FMNL2: variants seen among roughly 807,000 people sequenced by gnomAD.
The protein encoded by FMNL2 is formin like 2, also known as formin-like protein 2.
A neutral mutation model predicts 130.2 loss-of-function variants in FMNL2; 51 were observed. That is an observed-to-expected ratio of 0.39 (90% CI 0.31 to 0.49). FMNL2 has a LOEUF of 0.49. Ranked by LOEUF, FMNL2 falls within the 20% of genes least tolerant of loss-of-function variation. The pLI is 0.85. For synonymous variants in FMNL2, 465 were observed against 467.1 expected (o/e 1.00, Z 0.06); for missense variants, 977 against 1,316.2 (o/e 0.74, Z 3.99).
chr2:152,492,663 CA>C (rs931352530), intron 1 of FMNL2, among the ~76,000 whole-genome samples: 28 of 152,026 alleles, frequency 1.8e-4, no homozygotes, highest in Non-Finnish European at 3.5e-4. Flanking sequence ...TTGATTCAAA[CA>C]AAAAAACTAG....
At chr2:152,594,687 G>A (rs1182743237) in intron 9 of FMNL2, among the ~76,000 whole-genome samples, 1 of 152,174 alleles carries the variant, frequency 6.6e-6, no homozygotes, top group Non-Finnish European at 1.5e-5. Context: ...TTTGAGTCTT[G>A]ATTTAAGCTT....
At chr2:152,607,001 T>TTTTTG (rs1461921577) in intron 9 of FMNL2, among the ~76,000 whole-genome samples, 1 of 131,334 alleles carries the variant, frequency 7.6e-6, no homozygotes, top group Non-Finnish European at 1.6e-5. Flanking sequence ...TCGTTTTTTT[T>TTTTTG]TTTTGTTTTT....
intron 9 of FMNL2, among the ~76,000 whole-genome samples, chr2:152,602,133 C>T (rs1420631058): frequency 6.6e-6 from 1 of 152,112 alleles, no homozygotes; most frequent in Non-Finnish European, 1.5e-5. Flanking sequence ...AGCCCTTTAC[C>T]CCCATCAGTC....
At chr2:152,564,778 T>TTTTTTTTG (rs1553477797) in intron 6 of FMNL2, among the ~76,000 whole-genome samples, 7 of 129,668 alleles carry the variant, frequency 5.4e-5, no homozygotes, top group African/African-American at 8.8e-5. Flanking sequence ...CAAGGTTGGT[T>TTTTTTTTG]TTTTTTTTTT....
intron 21 of FMNL2, among the ~76,000 whole-genome samples, chr2:152,634,565 T>C (rs780928883): frequency 6.6e-6 from 1 of 152,246 alleles, no homozygotes; most frequent in Non-Finnish European, 1.5e-5. Flanking sequence ...ATTCAACAAC[T>C]CTTGGAAAGC....
chr2:152,484,951 C>A (rs1173240220), intron 1 of FMNL2, among the ~76,000 whole-genome samples: 1 of 152,140 alleles, frequency 6.6e-6, no homozygotes, highest in African/African-American at 2.4e-5. Flanking sequence ...CACAGTAGCT[C>A]TTGTATATGA....
intron 2 of FMNL2, among the ~76,000 whole-genome samples, chr2:152,532,850 C>T (rs898998594): frequency 2.0e-5 from 3 of 152,106 alleles, no homozygotes; most frequent in Admixed American, 2.0e-4. Context: ...TCAAGTGATC[C>T]ACCCGCCTTG....
At chr2:152,399,225 T>C (rs1685554291) in intron 1 of FMNL2, among the ~76,000 whole-genome samples, 1 of 152,084 alleles carries the variant, frequency 6.6e-6, no homozygotes, top group Non-Finnish European at 1.5e-5. Flanking sequence ...TGAACATTGA[T>C]AGAGAAGTGA....
chr2:152,614,436 A>G (rs1366585732), intron 11 of FMNL2, among the ~76,000 whole-genome samples: 1 of 152,184 alleles, frequency 6.6e-6, no homozygotes, highest in Non-Finnish European at 1.5e-5. Flanking sequence ...GGGCTGGACT[A>G]TTTGTCGAAA....
chr2:152,591,768 T>G (rs1463008084), intron 9 of FMNL2, among the ~76,000 whole-genome samples: 1 of 152,148 alleles, frequency 6.6e-6, no homozygotes, highest in Non-Finnish European at 1.5e-5. Flanking sequence ...ATCACACCGC[T>G]GCACTCCAGC....
At chr2:152,579,704 TAAAG>T (rs1301630378) in intron 8 of FMNL2, among the ~76,000 whole-genome samples, 2 of 151,984 alleles carry the variant, frequency 1.3e-5, no homozygotes, top group Non-Finnish European at 2.9e-5. Context: ...TCTCAAAAAA[TAAAG>T]AAAGAAAGAA....
intron 2 of FMNL2, among the ~76,000 whole-genome samples, chr2:152,523,767 G>A (rs1476153021): frequency 1.3e-5 from 2 of 152,130 alleles, no homozygotes; most frequent in Non-Finnish European, 2.9e-5. Context: ...CTGTATGATT[G>A]CATTAGTCTA....
At chr2:152,471,347 G>C (rs1689849417) in intron 1 of FMNL2, among the ~76,000 whole-genome samples, 1 of 152,156 alleles carries the variant, frequency 6.6e-6, no homozygotes, top group South Asian at 2.1e-4. Flanking sequence ...AAGTGAGGCT[G>C]TTCAGCCCTT....
At chr2:152,392,930 C>G (rs1685198287) in intron 1 of FMNL2, among the ~76,000 whole-genome samples, 1 of 152,150 alleles carries the variant, frequency 6.6e-6, no homozygotes, top group Non-Finnish European at 1.5e-5. Flanking sequence ...CTTCTCTCTG[C>G]CTGCTTCTCT....
chr2:152,436,211 G>A (rs897403326), intron 1 of FMNL2, among the ~76,000 whole-genome samples: 1 of 151,650 alleles, frequency 6.6e-6, no homozygotes, highest in Admixed American at 6.6e-5. Flanking sequence ...TATCACCCAG[G>A]CTGGAGTGCA....
At chr2:152,546,375 G>A (rs992438684) in intron 3 of FMNL2, among the ~76,000 whole-genome samples, 4 of 152,054 alleles carry the variant, frequency 2.6e-5, no homozygotes, top group East Asian at 1.9e-4. Context: ...GTCACATGGT[G>A]AGCAAGAGGG....
In FMNL2 at chr2:152,355,996, A is replaced by G. The variant is rs543756235; in HGVS notation, c.117+20276A>G. The stretch of plus-strand genomic sequence containing the variant: ...CCCCGAATTGGCACATCTCATTCCT[A>G]TGCACTCTTGTTAAAAATAACTTAT... On this transcript the variant is annotated intron_variant, in intron 1 of 25. Coordinates refer to ENST00000288670, the MANE Select transcript of FMNL2 (RefSeq NM_052905.4). Among the ~76,000 whole-genome samples, 6 of 152,296 alleles carry G rather than the reference A, an allele frequency of 3.9e-5. No individual in the cohort carries two copies. The South Asian group carries it at 8.3e-4, about 21-fold the overall frequency.
intron 1 of FMNL2, among the ~76,000 whole-genome samples, chr2:152,373,713 A>AT (rs1172682023): frequency 9.0e-6 from 1 of 111,406 alleles, no homozygotes; most frequent in Non-Finnish European, 2.2e-5. Context: ...AACCTTGTGG[A>AT]AATTTTTTTT....
At chr2:152,615,305 C>T (rs1044629748) in intron 12 of FMNL2, among the ~76,000 whole-genome samples, 7 of 151,970 alleles carry the variant, frequency 4.6e-5, no homozygotes, top group Non-Finnish European at 7.4e-5. Context: ...ATTGGCATTA[C>T]GTAAATGATT....
Sources: gnomAD v4.1 joint callset for allele counts (sites outside exome capture counted in the v4.1 genomes callset) on GRCh38, gnomAD v4.1.1 for gene constraint, MANE v1.5 for transcripts, NCBI Gene and HGNC (gene_info 2026-07-23, HGNC 2026-07-21) for gene names.